ICA1L: variants seen among roughly 807,000 people sequenced by gnomAD.
ICA1L encodes islet cell autoantigen 1 like.
In ICA1L, 50 loss-of-function variants were observed where a neutral mutation model predicts 61.3. The observed-to-expected ratio is 0.82, with a 90% CI of 0.65 to 1.03. The LOEUF (loss-of-function observed/expected upper bound fraction) is 1.03, where lower values mean the gene tolerates loss of function less well. ICA1L is among the 50% of genes least tolerant of loss of function. ICA1L has a pLI of 0.00. For synonymous variants in ICA1L, 161 were observed against 191.3 expected (o/e 0.84, Z 1.31); for missense variants, 508 against 556.7 (o/e 0.91, Z 0.88).
At chr2:202,789,428 A>G (rs1692681368) in intron 10 of ICA1L, among the ~76,000 whole-genome samples, 1 of 152,234 alleles carries the variant, frequency 6.6e-6, no homozygotes, top group South Asian at 2.1e-4. Flanking sequence ...AAACAGGCCA[A>G]GAGGACAACA....
At chr2:202,806,659 AG>A (rs1203021636) in intron 9 of ICA1L, among the ~76,000 whole-genome samples, 1 of 151,794 alleles carries the variant, frequency 6.6e-6, no homozygotes, top group East Asian at 1.9e-4. Flanking sequence ...AAAAAAAAAA[AG>A]AAGAAAAGGT....
chr2:202,871,164 G>T (rs1687698375), intron 1 of ICA1L: 1 of 152,230 alleles, frequency 6.6e-6, no homozygotes, highest in Admixed American at 6.5e-5. Context: ...TAAGCACCAC[G>T]TTAAAAAGAG....
At chr2:202,787,927 C>G (rs559355131) in intron 11 of ICA1L, among the ~76,000 whole-genome samples, 2 of 152,288 alleles carry the variant, frequency 1.3e-5, no homozygotes, top group African/African-American at 4.8e-5. Context: ...GGATTGGGAT[C>G]TAATACTCAG....
At chr2:202,827,333 C>CAGTG (rs1167526901) in intron 2 of ICA1L, among the ~76,000 whole-genome samples, 1 of 151,620 alleles carries the variant, frequency 6.6e-6, no homozygotes, top group Non-Finnish European at 1.5e-5. Flanking sequence ...GCGGAGGTTG[C>CAGTG]AGTGAGCCAA....
intron 2 of ICA1L, among the ~76,000 whole-genome samples, chr2:202,828,554 G>A (rs78488377): frequency 0.028 from 4,234 of 152,164 alleles, 77 homozygotes; most frequent in Non-Finnish European, 0.043. Flanking sequence ...TGAGTATATG[G>A]TCTCAACTGG....
rs777681846 is a variant in ICA1L, at chr2:202,814,797, A to C, written c.784-13T>G. Reference sequence around the variant, plus strand: ...TGTCTTGTAGTTGCTAAAGATAAGAAAGTCAATGTTAAGTATATAGAATGA... The same window carrying C: ...TGTCTTGTAGTTGCTAAAGATAAGACAGTCAATGTTAAGTATATAGAATGA... On this transcript the variant is annotated splice_polypyrimidine_tract_variant and intron_variant, in intron 7 of 12. Transcript: ENST00000358299. 15 of 1,557,906 alleles carry C rather than the reference A, an allele frequency of 9.6e-6. No individual in the cohort carries two copies. The highest frequency in any genetic ancestry group is 1.3e-5 in the Non-Finnish European group (15 of 1,130,014).
intron 10 of ICA1L, among the ~76,000 whole-genome samples, chr2:202,791,047 G>A (rs1692733276): frequency 1.3e-5 from 2 of 152,212 alleles, no homozygotes; most frequent in Non-Finnish European, 2.9e-5. Flanking sequence ...AAAGGCAACT[G>A]GAGAAGTCTT....
At chr2:202,800,962 A>G (rs1693072622) in intron 9 of ICA1L, among the ~76,000 whole-genome samples, 1 of 152,244 alleles carries the variant, frequency 6.6e-6, no homozygotes, top group African/African-American at 2.4e-5. Flanking sequence ...AGAAATGTAC[A>G]GAAGATTTAA....
At chr2:202,871,265 G>A (rs545381789) in intron 1 of ICA1L, 30 of 152,328 alleles carry the variant, frequency 2.0e-4, no homozygotes, top group African/African-American at 7.0e-4. Context: ...TCACCCAAAC[G>A]AGCCCCAGGC....
chr2:202,866,791 C>G (rs748198945), intron 1 of ICA1L, among the ~76,000 whole-genome samples: 11 of 151,932 alleles, frequency 7.2e-5, no homozygotes, highest in African/African-American at 2.4e-5. Flanking sequence ...ATTAAAAATA[C>G]AAAAAATTAG....
chr2:202,796,744 C>A, intron 10 of ICA1L, 146 bp downstream of exon 10: 1 of 520,262 alleles, frequency 1.9e-6, no homozygotes, highest in Non-Finnish European at 3.3e-6. Context: ...TATTTAATTT[C>A]CATTGTGATG....
chr2:202,822,823 T>A (rs1252714899), intron 3 of ICA1L, among the ~76,000 whole-genome samples: 1 of 152,082 alleles, frequency 6.6e-6, no homozygotes, highest in Non-Finnish European at 1.5e-5. Context: ...CCTACAAGGG[T>A]GACCCAAGGA....
At chr2:202,785,421 T>C (rs1418731610) in intron 12 of ICA1L, among the ~76,000 whole-genome samples, 1 of 152,074 alleles carries the variant, frequency 6.6e-6, no homozygotes, top group East Asian at 1.9e-4. Context: ...TCACAGTTTC[T>C]TTCTTTCTTT....
intron 9 of ICA1L, among the ~76,000 whole-genome samples, chr2:202,809,868 A>G (rs780003823): frequency 2.0e-5 from 3 of 152,028 alleles, no homozygotes; most frequent in East Asian, 1.9e-4. Context: ...AAGGGCAAAT[A>G]TAAGAGTTAT....
intron 12 of ICA1L, among the ~76,000 whole-genome samples, chr2:202,781,584 A>T (rs2105814647): frequency 6.6e-6 from 1 of 151,756 alleles, no homozygotes; most frequent in African/African-American, 2.4e-5. Context: ...AAAAAAAAAA[A>T]AAAAAAGACT....
intron 9 of ICA1L, among the ~76,000 whole-genome samples, chr2:202,806,804 G>A (rs1036186338): frequency 2.0e-5 from 3 of 152,258 alleles, no homozygotes; most frequent in East Asian, 1.9e-4. Flanking sequence ...TGAGACAACT[G>A]AGAGAGCCAT....
intron 9 of ICA1L, among the ~76,000 whole-genome samples, chr2:202,800,093 G>C (rs949766765): frequency 1.6e-4 from 24 of 152,054 alleles, no homozygotes; most frequent in African/African-American, 5.8e-4. Context: ...ATGTTGGCCA[G>C]GATGGTCTCC....
intron 1 of ICA1L, among the ~76,000 whole-genome samples, chr2:202,866,779 C>G (rs978825160): frequency 6.6e-6 from 1 of 152,070 alleles, no homozygotes; most frequent in African/African-American, 2.4e-5. Flanking sequence ...AACCCCGTCT[C>G]TATTAAAAAT....
chr2:202,835,953 C>T (rs949096039), intron 1 of ICA1L, among the ~76,000 whole-genome samples: 1 of 152,176 alleles, frequency 6.6e-6, no homozygotes. Flanking sequence ...TATAAAATCA[C>T]ATTGTCCGCA....
Sources: gnomAD v4.1 joint callset for allele counts (sites outside exome capture counted in the v4.1 genomes callset) on GRCh38, gnomAD v4.1.1 for gene constraint, MANE v1.5 for transcripts, NCBI Gene and HGNC (gene_info 2026-07-23, HGNC 2026-07-21) for gene names.